The following ZFAND6 variants were observed in gnomAD, a reference collection of about 807,000 sequenced individuals.
ZFAND6 encodes the protein zinc finger AN1-type containing 6.
A neutral mutation model predicts 24.5 loss-of-function variants in ZFAND6; 12 were observed. The observed-to-expected ratio is 0.49, with a 90% CI of 0.31 to 0.79. ZFAND6 has a LOEUF of 0.79. Ranked by LOEUF, ZFAND6 falls within the 30% of genes least tolerant of loss-of-function variation. The pLI, the probability that ZFAND6 is intolerant of heterozygous loss-of-function variation, is 0.04. For synonymous variants in ZFAND6, 92 were observed against 81.5 expected (o/e 1.13, Z -0.69); for missense variants, 207 against 245.9 (o/e 0.84, Z 1.06).
intron 1 of ZFAND6, among the ~76,000 whole-genome samples, chr15:80,091,046 A>G (rs2038328527): frequency 6.6e-6 from 1 of 152,220 alleles, no homozygotes; most frequent in African/African-American, 2.4e-5. Flanking sequence ...TTTAGAAGAT[A>G]TGGTCACCAT....
At chr15:80,111,413 C>G in intron 2 of ZFAND6, 1 of 422,220 alleles carries the variant, frequency 2.4e-6, no homozygotes, top group Admixed American at 2.7e-5. Flanking sequence ...AAAAGTCAGT[C>G]TTCCTTATTG....
chr15:80,102,818 T>A (rs1460316859), intron 2 of ZFAND6, among the ~76,000 whole-genome samples: 1 of 152,232 alleles, frequency 6.6e-6, no homozygotes, highest in African/African-American at 2.4e-5. Context: ...ATTAATGTTA[T>A]GTTCTAAAAG....
chr15:80,122,355 T>C (rs901188835), intron 4 of ZFAND6, among the ~76,000 whole-genome samples: 1 of 152,180 alleles, frequency 6.6e-6, no homozygotes, highest in Non-Finnish European at 1.5e-5. Context: ...CAGTTCATGA[T>C]AAGATATGTT....
chr15:80,130,502 G>A (rs1467017717), intron 5 of ZFAND6: 2 of 152,148 alleles, frequency 1.3e-5, no homozygotes, highest in East Asian at 3.8e-4. Context: ...TGACTCTGGC[G>A]ACAGCATTCA....
chr15:80,117,138 C>G (rs1199674226), intron 2 of ZFAND6, among the ~76,000 whole-genome samples: 1 of 152,110 alleles, frequency 6.6e-6, no homozygotes, highest in Non-Finnish European at 1.5e-5. Context: ...GTTTTTTTCA[C>G]TTGACTGTTG....
chr15:80,126,610 T>C (rs1318018656), intron 5 of ZFAND6, among the ~76,000 whole-genome samples: 1 of 152,184 alleles, frequency 6.6e-6, no homozygotes, highest in Non-Finnish European at 1.5e-5. Context: ...TGAATTGGAC[T>C]CCTATGTCAT....
At chr15:80,107,003 A>G (rs2039363269) in intron 2 of ZFAND6, among the ~76,000 whole-genome samples, 1 of 152,208 alleles carries the variant, frequency 6.6e-6, no homozygotes, top group Non-Finnish European at 1.5e-5. Flanking sequence ...ACCTGAGGTC[A>G]GGAGTTCAAG....
chr15:80,118,840 T>C (rs1479177661), intron 2 of ZFAND6, among the ~76,000 whole-genome samples: 1 of 152,152 alleles, frequency 6.6e-6, no homozygotes, highest in Non-Finnish European at 1.5e-5. Context: ...CTGAAATACG[T>C]ATAAATCCTC....
rs768373723 is a variant in ZFAND6, at chr15:80,122,725, T to C, written c.289T>C (p.Ser97Pro). ...PSPVSNQSLL[S>P]ESVASSQLDS... ...CCCTGTATCAAATCAGTCACTTTTA[T>C]CAGAATCTGTAGCATCTTCTCAATT... The change falls in exon 5 of 7, where the codon TCA becomes CCA. Residue 97 changes from serine (S) to proline (P), a missense_variant. Physicochemically the swap from Ser to Pro is moderately conservative, Grantham distance 74. This residue lies in a region of ZFAND6 where 133 missense variants were observed against 122.8 expected (regional missense o/e 1.08). Coordinates refer to ENST00000261749, the MANE Select transcript of ZFAND6 (RefSeq NM_019006.4). 130 of 1,613,506 alleles carry C rather than the reference T, an allele frequency of 8.1e-5. No homozygotes were observed. The highest frequency in any genetic ancestry group is 1.0e-4 in the Non-Finnish European group (122 of 1,179,776).
chr15:80,089,124 C>T (rs1055782577), intron 1 of ZFAND6, among the ~76,000 whole-genome samples: 22 of 151,960 alleles, frequency 1.4e-4, no homozygotes, highest in Non-Finnish European at 3.1e-4. Context: ...AAGACCTACT[C>T]ATAATTGACA....
rs61274242 is a variant in ZFAND6 at position 80,136,822 on chromosome 15, A to T, written c.479-658A>T. 9.8e-4 allele frequency among the ~76,000 whole-genome samples: 149 copies of T among 152,362 alleles called. 1 individual carries two copies. In the East Asian group the frequency reaches 0.019, roughly 19 times the overall value. On this transcript the variant is annotated intron_variant, in intron 6 of 6. Coordinates refer to ENST00000261749, the MANE Select transcript of ZFAND6 (RefSeq NM_019006.4). The stretch of plus-strand genomic sequence containing the variant: ...AACTCCAGGCATTTTCTTAAAATTA[A>T]GTAGCATTTATTGTGTGTTTTACCA...
intron 1 of ZFAND6, among the ~76,000 whole-genome samples, chr15:80,079,934 G>A (rs925701117): frequency 4.0e-5 from 6 of 151,862 alleles, no homozygotes; most frequent in African/African-American, 1.5e-4. Context: ...ACAGGCATGA[G>A]CCACCACGCC....
chr15:80,100,419 A>G (rs117297551), intron 2 of ZFAND6, among the ~76,000 whole-genome samples: 4,122 of 152,280 alleles, frequency 0.027, 87 homozygotes, highest in Non-Finnish European at 0.041. Flanking sequence ...AGTTGCTTTT[A>G]TCACTGTAGA....
At chr15:80,108,412 C>A (rs1034284922) in intron 2 of ZFAND6, among the ~76,000 whole-genome samples, 1 of 152,100 alleles carries the variant, frequency 6.6e-6, no homozygotes, top group Non-Finnish European at 1.5e-5. Context: ...ATCGATCAAT[C>A]TGTGGTAATC....
At chr15:80,103,719 C>T (rs1259378268) in intron 2 of ZFAND6, among the ~76,000 whole-genome samples, 4 of 152,228 alleles carry the variant, frequency 2.6e-5, no homozygotes, top group Non-Finnish European at 5.9e-5. Flanking sequence ...ATTCTGCCTT[C>T]TCAGTCTGCT....
intron 2 of ZFAND6, among the ~76,000 whole-genome samples, chr15:80,103,493 A>G (rs928276600): frequency 6.6e-5 from 10 of 152,230 alleles, no homozygotes; most frequent in African/African-American, 2.4e-4. Flanking sequence ...CTAGCGGCCT[A>G]GATATGCTCT....
chr15:80,110,498 T>C (rs535203097), intron 2 of ZFAND6, among the ~76,000 whole-genome samples: 3 of 151,798 alleles, frequency 2.0e-5, no homozygotes, highest in Non-Finnish European at 4.4e-5. Flanking sequence ...ATCCTATTGG[T>C]TTTTACTTTT....
intron 5 of ZFAND6, among the ~76,000 whole-genome samples, chr15:80,127,159 T>A (rs2040402145): frequency 6.6e-6 from 1 of 152,070 alleles, no homozygotes; most frequent in Non-Finnish European, 1.5e-5. Flanking sequence ...AAAAATACTT[T>A]GAAATCATAT....
chr15:80,062,362 TG>T (rs2141769458), intron 1 of ZFAND6, among the ~76,000 whole-genome samples: 1 of 152,342 alleles, frequency 6.6e-6, no homozygotes, highest in East Asian at 1.9e-4. Flanking sequence ...AAAAGTTGTG[TG>T]GTGGTTCAGG....
Sources: allele counts gnomAD v4.1 joint callset (sites outside exome capture counted in the v4.1 genomes callset), GRCh38; gene constraint gnomAD v4.1.1; regional missense constraint gnomAD v4.1.1; transcripts MANE v1.5; gene names NCBI Gene and HGNC (gene_info 2026-07-23, HGNC 2026-07-21).